Variants in GABRB1 observed in about 807,000 individuals in gnomAD.
The protein encoded by GABRB1 is gamma-aminobutyric acid type A receptor subunit beta1.
GABRB1 carries 17 observed loss-of-function variants against 51.6 expected under a neutral mutation model. The ratio of observed to expected loss-of-function variants is 0.33; its 90% CI spans 0.23 to 0.49. GABRB1 has a LOEUF of 0.49. Ranked by LOEUF, GABRB1 falls within the 20% of genes least tolerant of loss-of-function variation. The pLI is 0.99. For synonymous variants in GABRB1, 247 were observed against 218.9 expected (o/e 1.13, Z -1.14); for missense variants, 410 against 600.6 (o/e 0.68, Z 3.32).
intron 4 of GABRB1, among the ~76,000 whole-genome samples, chr4:47,238,524 A>G (rs1721407894): frequency 6.6e-6 from 1 of 152,158 alleles, no homozygotes; most frequent in African/African-American, 2.4e-5. Flanking sequence ...GTATGACACC[A>G]CAAATAATGC....
At chr4:47,032,133 C>CAA in intron 2 of GABRB1, 128 bp downstream of exon 2, 1 of 632,432 alleles carries the variant, frequency 1.6e-6, no homozygotes, top group Non-Finnish European at 2.7e-6. Flanking sequence ...CCTGGGCACA[C>CAA]ACACACACAC....
At chr4:47,289,599 A>G (rs1391757079) in intron 4 of GABRB1, among the ~76,000 whole-genome samples, 1 of 152,180 alleles carries the variant, frequency 6.6e-6, no homozygotes, top group Non-Finnish European at 1.5e-5. Flanking sequence ...CACACACTAA[A>G]ATAGTATTGG....
At position 47,091,719 on chromosome 4, in the gene GABRB1, T is replaced by C. The variant is rs146733489; in HGVS notation, c.240+59235T>C. Among the ~76,000 whole-genome samples the C allele has an allele frequency of 4.5e-3, 685 of 152,330 alleles. 5 individuals carry two copies. Among genetic ancestry groups the C allele is most frequent in the African/African-American group, 0.016 (663 of 41,564 alleles). On this transcript the variant is annotated intron_variant, in intron 3 of 8. Transcript: ENST00000295454. ...CACCTGCATACACTGATTGCAATTTTCCCTGCCTTGTAGTGGATTTTAAGA... is the reference window on the plus strand; with the variant it reads ...CACCTGCATACACTGATTGCAATTTCCCCTGCCTTGTAGTGGATTTTAAGA...
intron 4 of GABRB1, among the ~76,000 whole-genome samples, chr4:47,167,025 C>G (rs1448842724): frequency 1.3e-5 from 2 of 152,088 alleles, no homozygotes; most frequent in Non-Finnish European, 2.9e-5. Flanking sequence ...CACTGATGTA[C>G]AGGATTGTGT....
intron 3 of GABRB1, among the ~76,000 whole-genome samples, chr4:47,144,677 C>A (rs1018808246): frequency 6.6e-6 from 1 of 151,798 alleles, no homozygotes; most frequent in Non-Finnish European, 1.5e-5. Context: ...AAACTGGAAT[C>A]GAATTTAGAT....
intron 4 of GABRB1, among the ~76,000 whole-genome samples, chr4:47,187,983 T>G (rs1425961016): frequency 6.6e-6 from 1 of 151,940 alleles, no homozygotes; most frequent in Non-Finnish European, 1.5e-5. Flanking sequence ...CCCTCTGTCC[T>G]CTTACCCTGA....
intron 3 of GABRB1, among the ~76,000 whole-genome samples, chr4:47,049,343 A>C (rs895693989): frequency 2.0e-5 from 3 of 152,166 alleles, no homozygotes; most frequent in Non-Finnish European, 4.4e-5. Flanking sequence ...CCGTACGTCA[A>C]CAACAGAAGG....
intron 4 of GABRB1, among the ~76,000 whole-genome samples, chr4:47,206,126 T>C (rs923959724): frequency 1.3e-5 from 2 of 152,056 alleles, no homozygotes; most frequent in African/African-American, 2.4e-5. Flanking sequence ...CCATTTTCCA[T>C]GATGGGACTT....
At chr4:47,106,205 G>A (rs1408378632) in intron 3 of GABRB1, among the ~76,000 whole-genome samples, 2 of 151,854 alleles carry the variant, frequency 1.3e-5, no homozygotes, top group Non-Finnish European at 2.9e-5. Flanking sequence ...CTGTTTTTAT[G>A]TCCAGTTTAC....
At chr4:47,412,027 C>G (rs1728775285) in intron 8 of GABRB1, among the ~76,000 whole-genome samples, 1 of 152,156 alleles carries the variant, frequency 6.6e-6, no homozygotes, top group South Asian at 2.1e-4. Context: ...AATGCTACTA[C>G]TTTGGGGTTG....
chr4:47,266,612 C>A, intron 4 of GABRB1, among the ~76,000 whole-genome samples: 1 of 152,062 alleles, frequency 6.6e-6, no homozygotes, highest in East Asian at 1.9e-4. Flanking sequence ...GAATTAATTT[C>A]TACTTTATTT....
At chr4:47,125,766 G>A (rs6835506) in intron 3 of GABRB1, among the ~76,000 whole-genome samples, 62,975 of 145,012 alleles carry the variant, frequency 0.43, 14,365 homozygotes, top group Middle Eastern at 0.53. Context: ...CGTTTTAGCC[G>A]GGATGGTCTC....
intron 3 of GABRB1, among the ~76,000 whole-genome samples, chr4:47,068,786 G>A (rs1179044829): frequency 1.3e-5 from 2 of 152,156 alleles, no homozygotes; most frequent in African/African-American, 2.4e-5. Flanking sequence ...TTGCCAGAAT[G>A]TAATACAGAG....
chr4:47,404,576 T>C (rs2110052886), intron 7 of GABRB1, among the ~76,000 whole-genome samples: 1 of 151,976 alleles, frequency 6.6e-6, no homozygotes, highest in Middle Eastern at 3.4e-3. Context: ...CTTCGGAGAC[T>C]GTTAAGCTGG....
chr4:47,425,017 A>T (rs1452730740), intron 8 of GABRB1, among the ~76,000 whole-genome samples: 1 of 152,228 alleles, frequency 6.6e-6, no homozygotes, highest in Non-Finnish European at 1.5e-5. Context: ...ACAAAGATTT[A>T]ACTACAAAAT....
chr4:47,061,802 T>C (rs891119888), intron 3 of GABRB1, among the ~76,000 whole-genome samples: 3 of 152,212 alleles, frequency 2.0e-5, no homozygotes, highest in Admixed American at 6.5e-5. Context: ...CATCACTGTG[T>C]GACTGTCTTG....
At chr4:47,212,068 C>A (rs879454882) in intron 4 of GABRB1, among the ~76,000 whole-genome samples, 7 of 152,110 alleles carry the variant, frequency 4.6e-5, no homozygotes, top group Admixed American at 4.6e-4. Flanking sequence ...CCTACCACAG[C>A]CTGAGTGGCA....
intron 4 of GABRB1, among the ~76,000 whole-genome samples, chr4:47,279,088 ATG>A (rs1723185482): frequency 8.1e-5 from 2 of 24,612 alleles, no homozygotes; most frequent in African/African-American, 3.2e-4. Context: ...TTAGGAATGG[ATG>A]GATGGATGGA....
intron 5 of GABRB1, among the ~76,000 whole-genome samples, chr4:47,400,257 G>C (rs771877730): frequency 2.0e-5 from 3 of 152,102 alleles, no homozygotes; most frequent in African/African-American, 4.8e-5. Flanking sequence ...TCAGATATCT[G>C]TAAGTGTTCC....
Sources: allele counts gnomAD v4.1 joint callset (sites outside exome capture counted in the v4.1 genomes callset), GRCh38; gene constraint gnomAD v4.1.1; transcripts MANE v1.5; gene names NCBI Gene and HGNC (gene_info 2026-07-23, HGNC 2026-07-21).